Variants in GALNT13 observed in about 807,000 individuals in gnomAD.
The protein encoded by GALNT13 is polypeptide N-acetylgalactosaminyltransferase 13, also known as UDP-GalNAc:polypeptide N-acetylgalactosaminyltransferase 13.
In GALNT13, 28 loss-of-function variants were observed where a neutral mutation model predicts 64.2. The ratio of observed to expected loss-of-function variants is 0.44; its 90% CI spans 0.32 to 0.60. The LOEUF (loss-of-function observed/expected upper bound fraction) is 0.60. GALNT13 is among the 20% of genes least tolerant of loss of function. GALNT13 has a pLI of 0.05. For synonymous variants in GALNT13, 214 were observed against 224.6 expected (o/e 0.95, Z 0.42); for missense variants, 577 against 669.8 (o/e 0.86, Z 1.53).
chr2:153,747,080 G>T, the GALNT13 span, among the ~76,000 whole-genome samples: 1 of 151,668 alleles, frequency 6.6e-6, no homozygotes, highest in African/African-American at 2.4e-5. Flanking sequence ...TTTAATCTTC[G>T]TGGGTTCATA....
intron 3 of GALNT13, among the ~76,000 whole-genome samples, chr2:154,055,179 T>C (rs1699835079): frequency 6.6e-6 from 1 of 152,088 alleles, no homozygotes; most frequent in African/African-American, 2.4e-5. Flanking sequence ...CCTGTGTAGA[T>C]ACAGCTATCA....
chr2:153,813,297 G>T, the GALNT13 span, among the ~76,000 whole-genome samples: 1 of 152,120 alleles, frequency 6.6e-6, no homozygotes, highest in Non-Finnish European at 1.5e-5. Flanking sequence ...TTTGCATACT[G>T]ATAAAACAAT....
chr2:153,511,030 G>T, the GALNT13 span, among the ~76,000 whole-genome samples: 1 of 152,084 alleles, frequency 6.6e-6, no homozygotes, highest in African/African-American at 2.4e-5. Flanking sequence ...GAGAAGCAGA[G>T]AGAAAAAGAA....
At chr2:153,527,541 C>T in the GALNT13 span, among the ~76,000 whole-genome samples, 27 of 152,194 alleles carry the variant, frequency 1.8e-4, no homozygotes, top group Admixed American at 7.2e-4. Context: ...ATACTTTGAT[C>T]AGAAAGAGAA....
At chr2:153,910,349 T>TG (rs1688855273) in intron 2 of GALNT13, among the ~76,000 whole-genome samples, 1 of 152,056 alleles carries the variant, frequency 6.6e-6, no homozygotes, top group Admixed American at 6.6e-5. Flanking sequence ...GCCTAGCTAG[T>TG]TTCTATCCAT....
chr2:153,889,065 C>G (rs1045320489), intron 1 of GALNT13, among the ~76,000 whole-genome samples: 1 of 151,936 alleles, frequency 6.6e-6, no homozygotes, highest in East Asian at 1.9e-4. Flanking sequence ...ATGCAAACTA[C>G]CTGTGTGTGT....
chr2:153,375,134 C>A, the GALNT13 span, among the ~76,000 whole-genome samples: 25 of 152,000 alleles, frequency 1.6e-4, no homozygotes, highest in African/African-American at 5.8e-4. Flanking sequence ...AATAAAATAT[C>A]CCATGTTTAC....
At chr2:153,592,679 A>G in the GALNT13 span, among the ~76,000 whole-genome samples, 1 of 152,180 alleles carries the variant, frequency 6.6e-6, no homozygotes, top group Non-Finnish European at 1.5e-5. Flanking sequence ...ATTATAGACA[A>G]TGGATAAGGA....
At chr2:154,331,419 C>T (rs899295327) in intron 9 of GALNT13, among the ~76,000 whole-genome samples, 3 of 152,058 alleles carry the variant, frequency 2.0e-5, no homozygotes, top group African/African-American at 7.2e-5. Flanking sequence ...CTTCCCACCT[C>T]AGCCTCTCCA....
At chr2:153,090,019 A>G in the GALNT13 span, among the ~76,000 whole-genome samples, 3 of 151,866 alleles carry the variant, frequency 2.0e-5, no homozygotes, top group Non-Finnish European at 4.4e-5. Context: ...CTCTTTTTTC[A>G]TATTACCAGA....
At chr2:153,287,973 C>T in the GALNT13 span, among the ~76,000 whole-genome samples, 1 of 152,104 alleles carries the variant, frequency 6.6e-6, no homozygotes, top group Non-Finnish European at 1.5e-5. Context: ...TTCCGTTTGT[C>T]TCTCCTCAAA....
chr2:153,772,837 C>T, the GALNT13 span, among the ~76,000 whole-genome samples: 1 of 152,108 alleles, frequency 6.6e-6, no homozygotes, highest in Non-Finnish European at 1.5e-5. Context: ...TCTAGATGGG[C>T]CAGATGGTAA....
chr2:153,121,949 T>A, the GALNT13 span, among the ~76,000 whole-genome samples: 1 of 152,242 alleles, frequency 6.6e-6, no homozygotes, highest in African/African-American at 2.4e-5. Context: ...TTTCTATTTT[T>A]ATGTTTGTAA....
chr2:153,720,915 A>C, the GALNT13 span, among the ~76,000 whole-genome samples: 2,200 of 152,084 alleles, frequency 0.014, 28 homozygotes, highest in Middle Eastern at 0.041. Context: ...GAACTTCCCC[A>C]ATCTAGCAAG....
At chr2:153,809,507 C>CA in the GALNT13 span, among the ~76,000 whole-genome samples, 2 of 151,974 alleles carry the variant, frequency 1.3e-5, no homozygotes, top group Non-Finnish European at 2.9e-5. Flanking sequence ...TCCTTTTAAT[C>CA]AAAAAACAAA....
chr2:154,055,839 C>A (rs924173869), intron 3 of GALNT13, among the ~76,000 whole-genome samples: 1 of 152,004 alleles, frequency 6.6e-6, no homozygotes, highest in Non-Finnish European at 1.5e-5. Flanking sequence ...GTGGCTTAAC[C>A]AGAGCAAAGG....
chr2:154,254,702 A>C (rs1247446568), intron 7 of GALNT13, among the ~76,000 whole-genome samples: 1 of 152,220 alleles, frequency 6.6e-6, no homozygotes, highest in African/African-American at 2.4e-5. Flanking sequence ...ATAAGTAGCA[A>C]ATTTTCAGGT....
intron 3 of GALNT13, among the ~76,000 whole-genome samples, chr2:154,032,090 A>T (rs1698374684): frequency 6.6e-6 from 1 of 151,978 alleles, no homozygotes; most frequent in Non-Finnish European, 1.5e-5. Context: ...AATTAAATCC[A>T]GGACAAGCAG....
the GALNT13 span, among the ~76,000 whole-genome samples, chr2:153,125,244 C>T: frequency 6.6e-6 from 1 of 152,170 alleles, no homozygotes; most frequent in East Asian, 1.9e-4. Flanking sequence ...AGCCAGGTGT[C>T]TGGTTTCCAG....
Sources: gnomAD v4.1 joint callset for allele counts (sites outside exome capture counted in the v4.1 genomes callset) on GRCh38, gnomAD v4.1.1 for gene constraint, MANE v1.5 for transcripts, NCBI Gene and HGNC (gene_info 2026-07-23, HGNC 2026-07-21) for gene names.